The following FAM135A variants were observed in gnomAD, a reference collection of about 807,000 sequenced individuals.
FAM135A encodes the protein protein FAM135A.
Under a neutral mutation model 146.8 loss-of-function variants are expected in FAM135A, and 79 were observed. That is an observed-to-expected ratio of 0.54 (90% CI 0.45 to 0.65). The LOEUF (loss-of-function observed/expected upper bound fraction) is 0.65, where lower values mean the gene tolerates loss of function less well. Among genes scored for constraint, FAM135A ranks in the 30% least tolerant of loss-of-function variants. The pLI, the probability that FAM135A is intolerant of heterozygous loss-of-function variation, is 0.00. For missense variants in FAM135A, 1,623 were observed against 1,758.2 expected (o/e 0.92, Z 1.38); for synonymous variants, 562 against 603.6 (o/e 0.93, Z 1.01).
At chr6:70,472,142 CA>C (rs1486442505) in intron 5 of FAM135A, among the ~76,000 whole-genome samples, 1 of 152,058 alleles carries the variant, frequency 6.6e-6, no homozygotes, top group Non-Finnish European at 1.5e-5. Context: ...GCTCCAGACC[CA>C]GTGGTAGAAG....
chr6:70,552,022 T>TA (rs1489366761), intron 20 of FAM135A, among the ~76,000 whole-genome samples: 1 of 152,178 alleles, frequency 6.6e-6, no homozygotes. Flanking sequence ...CTTCAATTTG[T>TA]AAAAAACATA....
intron 16 of FAM135A, among the ~76,000 whole-genome samples, chr6:70,529,062 C>T (rs1795283011): frequency 6.6e-6 from 1 of 151,816 alleles, no homozygotes; most frequent in Non-Finnish European, 1.5e-5. Context: ...TTGGTTTTGC[C>T]AGCTGTCACC....
chr6:70,432,134 A>G (rs1771805565), intron 4 of FAM135A, among the ~76,000 whole-genome samples: 1 of 152,124 alleles, frequency 6.6e-6, no homozygotes, highest in South Asian at 2.1e-4. Flanking sequence ...GAGGATAGAA[A>G]TGTAATAACT....
chr6:70,447,049 G>A (rs536549451), intron 4 of FAM135A, among the ~76,000 whole-genome samples: 93 of 152,138 alleles, frequency 6.1e-4, no homozygotes, highest in Non-Finnish European at 1.1e-3. Context: ...TATGCTTCAG[G>A]GGCTTTACCA....
At chr6:70,480,148 C>G (rs1245558975) in intron 8 of FAM135A, among the ~76,000 whole-genome samples, 3 of 152,106 alleles carry the variant, frequency 2.0e-5, no homozygotes, top group Non-Finnish European at 4.4e-5. Flanking sequence ...AACAGTTTAA[C>G]AGAAATATGC....
At chr6:70,503,443 A>T (rs1175264671) in intron 12 of FAM135A, 3 of 152,108 alleles carry the variant, frequency 2.0e-5, no homozygotes, top group Non-Finnish European at 2.9e-5. Flanking sequence ...TTTTAAAAAA[A>T]TTTTTTAATT....
chr6:70,480,868 A>G (rs754511147), intron 8 of FAM135A, 33 bp from the exon 9 acceptor site: 1 of 1,585,256 alleles, frequency 6.3e-7, no homozygotes, highest in East Asian at 2.3e-5. Flanking sequence ...ATAGACTCGT[A>G]TGACAATAAT....
intron 5 of FAM135A, among the ~76,000 whole-genome samples, chr6:70,468,432 A>G (rs1034817819): frequency 7.9e-5 from 12 of 152,218 alleles, no homozygotes; most frequent in African/African-American, 1.2e-4. Flanking sequence ...GGGTTCCTCA[A>G]TTGTGACCAA....
In FAM135A at chr6:70,560,406, A is replaced by C. The variant is rs1397826596; in HGVS notation, c.*485A>C. The C allele has an allele frequency of 6.5e-6, 1 of 153,248 alleles. No individual in the cohort carries two copies. The highest frequency in any genetic ancestry group is 2.4e-5 in the African/African-American group (1 of 41,474). 9.5% of individuals were successfully genotyped at this position (153,248 alleles called of 1,614,324 possible). On this transcript the variant is annotated 3_prime_UTR_variant, in exon 22 of 22. Coordinates refer to ENST00000418814, the MANE Select transcript of FAM135A (RefSeq NM_001162529.3). ...TGGCTGCTACAATATATTTTTTGAA[A>C]TCAACTTCTGTAGTTCTAAAATACA...
intron 12 of FAM135A, among the ~76,000 whole-genome samples, chr6:70,519,241 C>G (rs1273746429): frequency 6.6e-6 from 1 of 152,010 alleles, no homozygotes; most frequent in East Asian, 1.9e-4. Flanking sequence ...AGAAGTGGAG[C>G]CTGAAGATGT....
rs1403891346 is a variant in FAM135A, at chr6:70,536,278, G to A, written c.3984G>A (p.Leu1328=). Reference sequence around the variant, plus strand: ...CTTAAAGCTTTATTGGACATTCGTTGGGCAATTTAATAATTCGTTCAGTGC... The same window carrying A: ...CTTAAAGCTTTATTGGACATTCGTTAGGCAATTTAATAATTCGTTCAGTGC... ...VSKISFIGHS[L]GNLIIRSVLT... is the part of the protein sequence containing the mutation. The change falls in exon 19 of 22, where the codon TTG becomes TTA. Residue 1328 remains leucine (L), a synonymous_variant. Transcript: ENST00000418814. 3 of 1,606,122 alleles carry A rather than the reference G, an allele frequency of 1.9e-6. No individual in the cohort carries two copies. Among genetic ancestry groups the A allele is most frequent in the South Asian group, 1.1e-5 (1 of 89,030 alleles).
chr6:70,414,654 TTTCTAGTTCATC>T (rs1767144517), intron 1 of FAM135A, among the ~76,000 whole-genome samples: 1 of 152,242 alleles, frequency 6.6e-6, no homozygotes, highest in African/African-American at 2.4e-5. Flanking sequence ...CCACTCAATG[TTTCTAGTTCATC>T]TTCCAGTTTA....
chr6:70,508,335 AT>A lies in FAM135A; in HGVS notation c.1029+5546del, dbSNP rs1209829230. ...CAGAAATGCAAGAGACACATGAAGA[AT>A]TGTCTCTCAACAGTATGTCTTATAG... On this transcript the variant is annotated intron_variant, in intron 12 of 21. Transcript: ENST00000418814. 3.3e-5 allele frequency among the ~76,000 whole-genome samples: 5 copies of A among 152,260 alleles called. No homozygotes were observed. In the East Asian group the frequency reaches 9.6e-4, roughly 29 times the overall value.
At chr6:70,469,141 C>T (rs1447843023) in intron 5 of FAM135A, among the ~76,000 whole-genome samples, 11 of 152,214 alleles carry the variant, frequency 7.2e-5, no homozygotes, top group Admixed American at 5.9e-4. Flanking sequence ...CACACCACTC[C>T]GTTAGGATGT....
intron 4 of FAM135A, among the ~76,000 whole-genome samples, chr6:70,445,361 G>C (rs545593743): frequency 1.3e-5 from 2 of 151,894 alleles, no homozygotes; most frequent in South Asian, 2.1e-4. Flanking sequence ...GGTTTCTGCC[G>C]TCTTGGTCAG....
chr6:70,516,530 C>CTTTTTTTTTTT (rs1174927909), intron 12 of FAM135A, among the ~76,000 whole-genome samples: 3 of 84,958 alleles, frequency 3.5e-5, no homozygotes, highest in Non-Finnish European at 6.6e-5. Flanking sequence ...ATTTTCTTTT[C>CTTTTTTTTTTT]TTTTTTTTTT....
intron 11 of FAM135A, among the ~76,000 whole-genome samples, chr6:70,491,816 C>T (rs1156334570): frequency 6.6e-6 from 1 of 151,672 alleles, no homozygotes; most frequent in South Asian, 2.1e-4. Flanking sequence ...GATAATTGCT[C>T]AAAAGAACAT....
chr6:70,475,262 C>A, intron 5 of FAM135A, 148 bp from the exon 6 acceptor site: 1 of 587,346 alleles, frequency 1.7e-6, no homozygotes, highest in Non-Finnish European at 2.7e-6. Context: ...AATAAGTAAA[C>A]TTTCAGAAAT....
Position 70,421,814 on chromosome 6 carries a change from CCA to C in FAM135A, c.-133-4624_-133-4623del, listed in dbSNP as rs1768916422. On this transcript the variant is annotated intron_variant, in intron 2 of 21. Transcript: ENST00000418814. ...TCAGTCTCCGGTAAGTCAGCTGATT[CCA>C]GTCATTTCAAAGGCATAGGTTTAAA... Among the ~76,000 whole-genome samples, 3 of 152,272 alleles carry C rather than the reference CCA, an allele frequency of 2.0e-5. No individual in the cohort carries two copies. The South Asian group carries it at 6.2e-4, about 32-fold the overall frequency.
Sources: gnomAD v4.1 joint callset for allele counts (sites outside exome capture counted in the v4.1 genomes callset) on GRCh38, gnomAD v4.1.1 for gene constraint, MANE v1.5 for transcripts, NCBI Gene and HGNC (gene_info 2026-07-23, HGNC 2026-07-21) for gene names.